TMEM196: variants seen among roughly 807,000 people sequenced by gnomAD.
The protein encoded by TMEM196 is transmembrane protein 196.
In TMEM196, 17 loss-of-function variants were observed where a neutral mutation model predicts 20.0. The observed-to-expected ratio is 0.85, with a 90% CI of 0.58 to 1.27. The LOEUF is 1.27. TMEM196 is among the 50% of genes most tolerant of loss of function. The probability of loss-of-function intolerance (pLI) is 0.00; values close to 1 mark genes in which losing one functional copy is unlikely to be tolerated. For synonymous variants in TMEM196, 113 were observed against 88.9 expected (o/e 1.27, Z -1.52); for missense variants, 267 against 223.0 (o/e 1.20, Z -1.26).
intron 1 of TMEM196, among the ~76,000 whole-genome samples, chr7:19,732,430 G>A (rs10260894): frequency 0.24 from 36,391 of 151,792 alleles, 5,190 homozygotes; most frequent in African/African-American, 0.4. Flanking sequence ...AAAATTAGCC[G>A]GGCGTGGTTG....
At chr7:19,756,035 A>T (rs199546807) in intron 1 of TMEM196, among the ~76,000 whole-genome samples, 5 of 49,424 alleles carry the variant, frequency 1.0e-4, no homozygotes, top group South Asian at 7.8e-4. Flanking sequence ...GACTCTATTT[A>T]AAAAAAAAAA....
Position 19,772,978 on chromosome 7 carries a change from G to A in TMEM196, c.-282C>T, listed in dbSNP as rs986418510. 8 of 288,356 alleles carry A rather than the reference G, an allele frequency of 2.8e-5. No homozygotes were observed. The highest frequency in any genetic ancestry group is 5.1e-5 in the Non-Finnish European group (8 of 156,718). 17.9% of individuals were successfully genotyped at this position (288,356 alleles called of 1,614,324 possible). A position where few individuals can be genotyped will look rare whatever the true frequency, so the allele number is the denominator to read the frequency against. On this transcript the variant is annotated 5_prime_UTR_variant, in exon 1 of 5. Transcript: ENST00000405844. Reference sequence around the variant, plus strand: ...TGCGAAGATTGCACACCGGTACCGGGGCTTTTAAGCAGCGGAAAACCTGGA... The same window carrying A: ...TGCGAAGATTGCACACCGGTACCGGAGCTTTTAAGCAGCGGAAAACCTGGA...
chr7:19,770,055 A>G (rs1448053672), intron 1 of TMEM196, among the ~76,000 whole-genome samples: 2 of 152,194 alleles, frequency 1.3e-5, no homozygotes, highest in Admixed American at 1.3e-4. Flanking sequence ...ATGGCTTCAG[A>G]TCTTACACTG....
intron 1 of TMEM196, among the ~76,000 whole-genome samples, chr7:19,766,726 T>C (rs1228923870): frequency 1.3e-5 from 2 of 150,420 alleles, no homozygotes; most frequent in African/African-American, 4.9e-5. Context: ...TGCAAGTGCA[T>C]ACACACACAC....
At chr7:19,764,325 G>T (rs1347024669) in intron 1 of TMEM196, among the ~76,000 whole-genome samples, 1 of 152,168 alleles carries the variant, frequency 6.6e-6, no homozygotes, top group Non-Finnish European at 1.5e-5. Context: ...GCCTAGCAGG[G>T]TATCAAGAGC....
At chr7:19,766,064 C>T (rs368365822) in intron 1 of TMEM196, among the ~76,000 whole-genome samples, 4 of 152,092 alleles carry the variant, frequency 2.6e-5, no homozygotes, top group African/African-American at 4.8e-5. Flanking sequence ...TTAGAAACAT[C>T]GTTTTCTGAG....
chr7:19,748,285 A>AAAAAAAAAAAAAAAAAAAAAC (rs1784838081), intron 1 of TMEM196, among the ~76,000 whole-genome samples: 1 of 143,172 alleles, frequency 7.0e-6, no homozygotes, highest in African/African-American at 2.9e-5. Context: ...AAAAAAAAAA[A>AAAAAAAAAAAAAAAAAAAAAC]AAAAAACAGT....
chr7:19,735,351 T>C (rs984985623), intron 1 of TMEM196, among the ~76,000 whole-genome samples: 4 of 152,204 alleles, frequency 2.6e-5, no homozygotes, highest in Admixed American at 1.3e-4. Context: ...TCCATTTTCT[T>C]AGCAAGAGGA....
intron 1 of TMEM196, among the ~76,000 whole-genome samples, chr7:19,741,533 A>G (rs963892222): frequency 2.0e-5 from 3 of 152,182 alleles, no homozygotes; most frequent in Non-Finnish European, 4.4e-5. Flanking sequence ...TGATAGATTA[A>G]TTCTTTTCTG....
At chr7:19,750,832 A>G (rs1562620956) in intron 1 of TMEM196, among the ~76,000 whole-genome samples, 1 of 152,048 alleles carries the variant, frequency 6.6e-6, no homozygotes, top group South Asian at 2.1e-4. Context: ...GAACAATCAT[A>G]TATTATATCT....
intron 1 of TMEM196, among the ~76,000 whole-genome samples, chr7:19,745,454 T>C (rs1049002463): frequency 6.6e-6 from 1 of 152,010 alleles, no homozygotes; most frequent in Non-Finnish European, 1.5e-5. Context: ...AGTATGCCTG[T>C]CACCTTAATT....
chr7:19,728,574 G>C (rs527759492), intron 2 of TMEM196, among the ~76,000 whole-genome samples: 11 of 152,296 alleles, frequency 7.2e-5, no homozygotes, highest in African/African-American at 2.4e-4. Flanking sequence ...GATCTGCTCA[G>C]ATAACTGGCC....
chr7:19,749,587 C>T (rs903336508), intron 1 of TMEM196, among the ~76,000 whole-genome samples: 8 of 152,042 alleles, frequency 5.3e-5, no homozygotes, highest in African/African-American at 1.9e-4. Flanking sequence ...TTATGGGATA[C>T]ATATAGATAA....
intron 1 of TMEM196, among the ~76,000 whole-genome samples, chr7:19,742,273 T>C (rs1288499897): frequency 6.6e-6 from 1 of 152,154 alleles, no homozygotes; most frequent in South Asian, 2.1e-4. Context: ...ACACAATTCC[T>C]AAAGGAGAGA....
At chr7:19,724,241 C>A (rs994792483) in intron 4 of TMEM196, 39 bp downstream of exon 4, 1 of 1,528,384 alleles carries the variant, frequency 6.5e-7, no homozygotes, top group Non-Finnish European at 8.9e-7. Context: ...CTTTCTGCAG[C>A]GACATTACAA....
intron 1 of TMEM196, among the ~76,000 whole-genome samples, chr7:19,732,589 A>AC (rs1209836217): frequency 0.017 from 2,072 of 125,570 alleles, 50 homozygotes; most frequent in African/African-American, 0.064. Context: ...AAAAAACAAA[A>AC]AAAAAAAAAA....
intron 1 of TMEM196, among the ~76,000 whole-genome samples, chr7:19,750,053 T>C (rs1428743811): frequency 6.6e-6 from 1 of 152,154 alleles, no homozygotes; most frequent in African/African-American, 2.4e-5. Context: ...TGTCTACCCA[T>C]TGTCTACACA....
intron 1 of TMEM196, among the ~76,000 whole-genome samples, chr7:19,737,008 G>A (rs566399975): frequency 1.3e-4 from 20 of 151,918 alleles, no homozygotes; most frequent in African/African-American, 4.8e-4. Flanking sequence ...AATCAGGCCA[G>A]TTTTTTATTG....
chr7:19,751,661 T>A (rs1451123692), intron 1 of TMEM196, among the ~76,000 whole-genome samples: 6 of 152,228 alleles, frequency 3.9e-5, no homozygotes, highest in Non-Finnish European at 8.8e-5. Flanking sequence ...TATAAATAAA[T>A]GGAGCTGTTA....
Sources: allele counts gnomAD v4.1 joint callset (sites outside exome capture counted in the v4.1 genomes callset), GRCh38; gene constraint gnomAD v4.1.1; transcripts MANE v1.5; gene names NCBI Gene and HGNC (gene_info 2026-07-23, HGNC 2026-07-21).